Variants in F13A1 observed in about 807,000 individuals in gnomAD.
F13A1 encodes the protein FSF, A subunit.
Under a neutral mutation model 80.1 loss-of-function variants are expected in F13A1, and 47 were observed. The ratio of observed to expected loss-of-function variants is 0.59; its 90% CI spans 0.46 to 0.75. The LOEUF (loss-of-function observed/expected upper bound fraction) is 0.75, where lower values mean the gene tolerates loss of function less well. Among genes scored for constraint, F13A1 ranks in the 30% least tolerant of loss-of-function variants. The pLI, the probability that F13A1 is intolerant of heterozygous loss-of-function variation, is 0.00. For synonymous variants in F13A1, 349 were observed against 344.9 expected (o/e 1.01, Z -0.13); for missense variants, 817 against 930.4 (o/e 0.88, Z 1.59).
chr6:6,269,471 A>G (rs755954988), intron 3 of F13A1, among the ~76,000 whole-genome samples: 1 of 152,048 alleles, frequency 6.6e-6, no homozygotes, highest in African/African-American at 2.4e-5. Context: ...TGATTTTTCC[A>G]TCAGGAGAAC....
intron 11 of F13A1, among the ~76,000 whole-genome samples, chr6:6,179,271 C>G (rs570799610): frequency 1.3e-5 from 2 of 152,120 alleles, no homozygotes; most frequent in Non-Finnish European, 2.9e-5. Flanking sequence ...TTTTCAAAGT[C>G]TTATCGTTTC....
intron 3 of F13A1, among the ~76,000 whole-genome samples, chr6:6,281,522 T>C (rs916572905): frequency 2.0e-5 from 3 of 152,316 alleles, no homozygotes; most frequent in Admixed American, 1.3e-4. Flanking sequence ...TCAGTTAAGA[T>C]GTCATTACAC....
At chr6:6,186,725 A>G (rs144674808) in intron 10 of F13A1, among the ~76,000 whole-genome samples, 1,525 of 152,162 alleles carry the variant, frequency 0.01, 30 homozygotes, top group African/African-American at 0.035. Flanking sequence ...TTGCTTCCAT[A>G]TGAACTTTAA....
intron 6 of F13A1, 82 bp downstream of exon 6, chr6:6,248,230 C>T (rs889680184): frequency 2.8e-6 from 3 of 1,089,688 alleles, no homozygotes; most frequent in Admixed American, 3.6e-5. Context: ...GTCATCATTT[C>T]AGCAGCTCTT....
chr6:6,147,629 G>A (rs1760308055), intron 14 of F13A1, among the ~76,000 whole-genome samples: 1 of 152,172 alleles, frequency 6.6e-6, no homozygotes, highest in African/African-American at 2.4e-5. Context: ...TTGTGAAACA[G>A]TGGCCCTGGT....
At chr6:6,234,185 G>A (rs890970548) in intron 6 of F13A1, among the ~76,000 whole-genome samples, 4 of 152,002 alleles carry the variant, frequency 2.6e-5, no homozygotes, top group African/African-American at 9.7e-5. Flanking sequence ...CGATATGATT[G>A]TTTACCTTGA....
intron 8 of F13A1, among the ~76,000 whole-genome samples, chr6:6,210,348 T>TATATATATATATATATATCTATA (rs1420900272): frequency 7.4e-6 from 1 of 134,730 alleles, no homozygotes; most frequent in Non-Finnish European, 1.6e-5. Context: ...TATATATATA[T>TATATATATATATATATATCTATA]TTCTTTTTTT....
intron 11 of F13A1, among the ~76,000 whole-genome samples, chr6:6,180,055 T>C (rs1760953840): frequency 6.6e-6 from 1 of 152,212 alleles, no homozygotes; most frequent in Admixed American, 6.5e-5. Context: ...ATCTGTCATG[T>C]GGACAGCTCG....
At chr6:6,270,420 G>T (rs1757905578) in intron 3 of F13A1, among the ~76,000 whole-genome samples, 1 of 152,180 alleles carries the variant, frequency 6.6e-6, no homozygotes, top group Middle Eastern at 3.2e-3. Context: ...AACATAGGAA[G>T]TTTGTAGCTT....
chr6:6,302,803 C>T (rs1298916834), intron 3 of F13A1, among the ~76,000 whole-genome samples: 1 of 152,242 alleles, frequency 6.6e-6, no homozygotes, highest in Non-Finnish European at 1.5e-5. Flanking sequence ...ATCACCTATG[C>T]ATGATCTGTC....
At chr6:6,165,498 A>G (rs1760655337) in intron 13 of F13A1, among the ~76,000 whole-genome samples, 1 of 152,178 alleles carries the variant, frequency 6.6e-6, no homozygotes, top group Non-Finnish European at 1.5e-5. Context: ...CTCTCCTGAG[A>G]CCTTCACAGG....
At chr6:6,307,845 G>T (rs1326047626) in intron 2 of F13A1, among the ~76,000 whole-genome samples, 1 of 152,080 alleles carries the variant, frequency 6.6e-6, no homozygotes, top group Non-Finnish European at 1.5e-5. Flanking sequence ...CTTCTCTTAA[G>T]ATAAACTGAC....
chr6:6,296,018 C>T lies in F13A1; in HGVS notation c.319+9333G>A, dbSNP rs2113165996. On this transcript the variant is annotated intron_variant, in intron 3 of 14. Transcript: ENST00000264870. Reference sequence around the variant, plus strand: ...TAAATAGGGAATCCTTTCCCCATTGCTTGTTTTTCTCAGGTTTGTCAAAGA... The same window carrying T: ...TAAATAGGGAATCCTTTCCCCATTGTTTGTTTTTCTCAGGTTTGTCAAAGA... Among the ~76,000 whole-genome samples the T allele has an allele frequency of 2.1e-5, 3 of 142,760 alleles. No homozygotes were observed. In the East Asian group the frequency reaches 5.9e-4, roughly 28 times the overall value. The allele number at this position is 142,760 out of a possible 152,430, so 93.7% of individuals were successfully genotyped here.
chr6:6,186,230 G>A (rs1271730742), intron 10 of F13A1, among the ~76,000 whole-genome samples: 1 of 150,396 alleles, frequency 6.6e-6, no homozygotes, highest in East Asian at 2.0e-4. Flanking sequence ...AGTTTCATTA[G>A]ATCCCATTTG....
chr6:6,187,567 G>A (rs1321940500), intron 10 of F13A1, among the ~76,000 whole-genome samples: 2 of 115,848 alleles, frequency 1.7e-5, no homozygotes, highest in Non-Finnish European at 1.8e-5. Flanking sequence ...TCCCAGGGAT[G>A]AAGCCCACTT....
chr6:6,317,105 C>A (rs189090294), intron 2 of F13A1, among the ~76,000 whole-genome samples: 1 of 152,270 alleles, frequency 6.6e-6, no homozygotes, highest in East Asian at 1.9e-4. Flanking sequence ...GTCTTTTGGG[C>A]CACAGGGGAA....
rs111812071 is a variant in F13A1, at chr6:6,284,596, C to T, written c.320-17787G>A. Among the ~76,000 whole-genome samples the T allele has an allele frequency of 4.4e-3, 665 of 152,300 alleles. 3 individuals carry two copies. The highest frequency in any genetic ancestry group is 0.016 in the African/African-American group (645 of 41,574). ...GGCCTGCCTGATGGGCCTTTCCTGC[C>T]GCTGCAAGCTTCTTACAACTCCAGA... On this transcript the variant is annotated intron_variant, in intron 3 of 14. Coordinates refer to ENST00000264870, the MANE Select transcript of F13A1 (RefSeq NM_000129.4).
chr6:6,299,573 T>G lies in F13A1; in HGVS notation c.319+5778A>C, dbSNP rs1031745452. Among the ~76,000 whole-genome samples the G allele has an allele frequency of 3.4e-4, 47 of 139,788 alleles. 3 individuals carry two copies. Among genetic ancestry groups the G allele is most frequent in the African/African-American group, 1.4e-3 (45 of 32,120 alleles). 91.7% of individuals were successfully genotyped at this position (139,788 alleles called of 152,430 possible). ...TGAGGCTTCTGCATTCTTCACGTAG[T>G]TCTCGAGCCTTGCTTTTCAGCTCCA... On this transcript the variant is annotated intron_variant, in intron 3 of 14. Coordinates refer to ENST00000264870, the MANE Select transcript of F13A1 (RefSeq NM_000129.4).
At chr6:6,161,857 C>A (rs893881795) in intron 13 of F13A1, among the ~76,000 whole-genome samples, 4 of 152,116 alleles carry the variant, frequency 2.6e-5, no homozygotes, top group Admixed American at 2.0e-4. Context: ...CTGGGATGCA[C>A]AAACAGGAAG....
Sources: gnomAD v4.1 joint callset for allele counts (sites outside exome capture counted in the v4.1 genomes callset) on GRCh38, gnomAD v4.1.1 for gene constraint, MANE v1.5 for transcripts, NCBI Gene and HGNC (gene_info 2026-07-23, HGNC 2026-07-21) for gene names.